The following PTPRD variants were observed in gnomAD, a reference collection of about 807,000 sequenced individuals.
PTPRD encodes protein tyrosine phosphatase receptor type D.
A neutral mutation model predicts 214.5 loss-of-function variants in PTPRD; 34 were observed. That is an observed-to-expected ratio of 0.16 (90% CI 0.12 to 0.21). PTPRD has a LOEUF of 0.21. Among genes scored for constraint, PTPRD ranks in the 10% least tolerant of loss-of-function variants. The probability of loss-of-function intolerance (pLI) is 1.00; values close to 1 mark genes in which losing one functional copy is unlikely to be tolerated. For missense variants in PTPRD, 2,545 were observed against 2,398.7 expected (o/e 1.06, Z -1.27); for synonymous variants, 1,128 against 845.7 (o/e 1.33, Z -5.79).
At chr9:9,380,883 T>C (rs1228325852) in intron 9 of PTPRD, among the ~76,000 whole-genome samples, 3 of 152,194 alleles carry the variant, frequency 2.0e-5, no homozygotes, top group Non-Finnish European at 2.9e-5. Context: ...TGTATATATG[T>C]TAATAATTGT....
At chr9:8,663,413 T>C (rs1193976225) in intron 12 of PTPRD, among the ~76,000 whole-genome samples, 1 of 150,768 alleles carries the variant, frequency 6.6e-6, no homozygotes, top group Non-Finnish European at 1.5e-5. Flanking sequence ...TGTCACTGAA[T>C]GTTAGGTGGG....
chr9:8,352,188 T>G (rs1246718298), intron 39 of PTPRD, among the ~76,000 whole-genome samples: 1 of 152,086 alleles, frequency 6.6e-6, no homozygotes, highest in East Asian at 1.9e-4. Context: ...TCCCTATTAT[T>G]CTTAAAATGT....
At chr9:9,049,314 T>C (rs1056783298) in intron 10 of PTPRD, among the ~76,000 whole-genome samples, 3 of 152,194 alleles carry the variant, frequency 2.0e-5, no homozygotes, top group African/African-American at 7.2e-5. Context: ...GGAACCCTAG[T>C]TGGAAAATCC....
chr9:8,546,897 A>G (rs529433417), intron 14 of PTPRD, among the ~76,000 whole-genome samples: 30 of 152,310 alleles, frequency 2.0e-4, no homozygotes, highest in African/African-American at 7.2e-4. Context: ...TAGAGATGTT[A>G]GTAGATTTGG....
At chr9:9,256,608 A>G (rs116650538) in intron 9 of PTPRD, among the ~76,000 whole-genome samples, 1 of 152,106 alleles carries the variant, frequency 6.6e-6, no homozygotes, top group African/African-American at 2.4e-5. Context: ...TGGGACTAGA[A>G]TCCAGGATTC....
chr9:10,495,970 T>G (rs2041918638), intron 2 of PTPRD, among the ~76,000 whole-genome samples: 1 of 151,806 alleles, frequency 6.6e-6, no homozygotes, highest in Admixed American at 6.6e-5. Context: ...TTGCATGTGT[T>G]TCATAACATC....
At chr9:10,449,757 T>A (rs1406497825) in intron 2 of PTPRD, among the ~76,000 whole-genome samples, 1 of 151,718 alleles carries the variant, frequency 6.6e-6, no homozygotes, top group Non-Finnish European at 1.5e-5. Context: ...AACAGCTCAT[T>A]GAGAACGGGC....
At chr9:10,576,447 T>A (rs566688883) in intron 2 of PTPRD, among the ~76,000 whole-genome samples, 8 of 152,248 alleles carry the variant, frequency 5.3e-5, no homozygotes, top group African/African-American at 1.9e-4. Context: ...AACCAATACA[T>A]GATTTTTGGG....
At chr9:9,872,521 A>G (rs1259419330) in intron 5 of PTPRD, among the ~76,000 whole-genome samples, 1 of 152,082 alleles carries the variant, frequency 6.6e-6, no homozygotes, top group Non-Finnish European at 1.5e-5. Context: ...GGATTGCTTG[A>G]GCCGAGGATA....
intron 11 of PTPRD, among the ~76,000 whole-genome samples, chr9:8,865,641 C>G (rs542342550): frequency 6.6e-6 from 1 of 152,242 alleles, no homozygotes; most frequent in Non-Finnish European, 1.5e-5. Flanking sequence ...TCTTCACACT[C>G]TTCTCATCAC....
intron 8 of PTPRD, among the ~76,000 whole-genome samples, chr9:9,440,623 T>C (rs973096052): frequency 7.9e-5 from 12 of 152,220 alleles, no homozygotes; most frequent in African/African-American, 2.9e-4. Context: ...GCAGTATCTA[T>C]TTACCGATGG....
intron 9 of PTPRD, among the ~76,000 whole-genome samples, chr9:9,238,434 TC>T (rs1169497445): frequency 6.6e-6 from 1 of 152,098 alleles, no homozygotes; most frequent in African/African-American, 2.4e-5. Context: ...GTTATAGGTG[TC>T]TGGGTTTTAA....
intron 8 of PTPRD, chr9:9,414,840 A>C (rs2076531634): frequency 6.6e-6 from 1 of 152,188 alleles, no homozygotes; most frequent in South Asian, 2.1e-4. Flanking sequence ...AGTTGAATGG[A>C]AAGAGGGAGA....
chr9:9,360,998 T>C (rs192371687), intron 9 of PTPRD, among the ~76,000 whole-genome samples: 59 of 151,318 alleles, frequency 3.9e-4, no homozygotes, highest in Non-Finnish European at 6.4e-4. Context: ...GATGACTTGG[T>C]TAATATTTGA....
intron 3 of PTPRD, among the ~76,000 whole-genome samples, chr9:10,085,609 G>GA (rs59497137): frequency 0.11 from 16,503 of 151,580 alleles, 2,591 homozygotes; most frequent in African/African-American, 0.35. Flanking sequence ...ACACAGAGAA[G>GA]AAAAGTGAGA....
chr9:8,331,165 C>CTTAATATTGTCATTAGGATTT (rs1840341628), intron 44 of PTPRD, among the ~76,000 whole-genome samples: 1 of 151,844 alleles, frequency 6.6e-6, no homozygotes, highest in Admixed American at 6.6e-5. Flanking sequence ...ACTGGCAGAA[C>CTTAATATTGTCATTAGGATTT]TTAATATTGT....
intron 3 of PTPRD, among the ~76,000 whole-genome samples, chr9:10,268,991 A>C (rs999917686): frequency 2.6e-5 from 4 of 152,174 alleles, no homozygotes; most frequent in Non-Finnish European, 5.9e-5. Flanking sequence ...CCAGTGTCAC[A>C]ATCAAAAATA....
At chr9:10,593,397 G>T (rs1240030509) in intron 2 of PTPRD, among the ~76,000 whole-genome samples, 1 of 152,034 alleles carries the variant, frequency 6.6e-6, no homozygotes, top group Admixed American at 6.6e-5. Flanking sequence ...TATTGGAATG[G>T]ACATTACTAG....
At chr9:10,070,281 G>T (rs547415329) in intron 3 of PTPRD, among the ~76,000 whole-genome samples, 1 of 152,012 alleles carries the variant, frequency 6.6e-6, no homozygotes, top group African/African-American at 2.4e-5. Flanking sequence ...CCTCATTACT[G>T]TTTATCTTAA....
Sources: gnomAD v4.1 joint callset for allele counts (sites outside exome capture counted in the v4.1 genomes callset) on GRCh38, gnomAD v4.1.1 for gene constraint, MANE v1.5 for transcripts, NCBI Gene and HGNC (gene_info 2026-07-23, HGNC 2026-07-21) for gene names.